RGS6: variants seen among roughly 807,000 people sequenced by gnomAD.
RGS6 encodes regulator of G-protein signaling 6.
In RGS6, 30 loss-of-function variants were observed where a neutral mutation model predicts 78.5. That is an observed-to-expected ratio of 0.38 (90% CI 0.29 to 0.52). The LOEUF is 0.52. Ranked by LOEUF, RGS6 falls within the 20% of genes least tolerant of loss-of-function variation. RGS6 has a pLI of 0.85. For synonymous variants in RGS6, 206 were observed against 206.0 expected (o/e 1.00, Z 0.00); for missense variants, 495 against 609.7 (o/e 0.81, Z 1.98).
chr14:71,950,213 A>G (rs1162492621), intron 1 of RGS6, among the ~76,000 whole-genome samples: 1 of 152,210 alleles, frequency 6.6e-6, no homozygotes, highest in Non-Finnish European at 1.5e-5. Flanking sequence ...ACAGCATGGT[A>G]TTGGTACAAA....
chr14:72,494,025 T>C (rs1212268790), intron 12 of RGS6, among the ~76,000 whole-genome samples: 1 of 152,084 alleles, frequency 6.6e-6, no homozygotes, highest in African/African-American at 2.4e-5. Context: ...CCCAAAAAGA[T>C]CATTTTCCAT....
intron 2 of RGS6, among the ~76,000 whole-genome samples, chr14:72,160,691 T>C (rs985626935): frequency 1.3e-5 from 2 of 152,146 alleles, no homozygotes; most frequent in Non-Finnish European, 2.9e-5. Flanking sequence ...CATGGAGAGA[T>C]ACAAGGGATG....
intron 2 of RGS6, among the ~76,000 whole-genome samples, chr14:72,149,065 G>A (rs576755521): frequency 6.6e-5 from 10 of 152,320 alleles, no homozygotes; most frequent in Non-Finnish European, 1.2e-4. Context: ...TCATAAGACA[G>A]CTTGCTCACT....
intron 3 of RGS6, among the ~76,000 whole-genome samples, chr14:72,438,101 G>A (rs2095024010): frequency 6.6e-6 from 1 of 152,162 alleles, no homozygotes; most frequent in Non-Finnish European, 1.5e-5. Flanking sequence ...AGGGCCTGGT[G>A]GAGGGTTCAG....
At chr14:72,159,125 A>G (rs1223810733) in intron 2 of RGS6, among the ~76,000 whole-genome samples, 1 of 152,176 alleles carries the variant, frequency 6.6e-6, no homozygotes, top group Non-Finnish European at 1.5e-5. Context: ...GCACATTCCT[A>G]TCTGCTTTCT....
chr14:72,090,004 A>G (rs551128349), intron 2 of RGS6, among the ~76,000 whole-genome samples: 56 of 152,186 alleles, frequency 3.7e-4, no homozygotes, highest in African/African-American at 1.3e-3. Flanking sequence ...CATCAGGTAA[A>G]TATAGCACAT....
chr14:72,362,186 A>G (rs1168196599), intron 3 of RGS6, among the ~76,000 whole-genome samples: 1 of 152,206 alleles, frequency 6.6e-6, no homozygotes, highest in African/African-American at 2.4e-5. Context: ...TTAAAAAGCT[A>G]TTAATCTAGT....
Position 72,346,406 on chromosome 14 carries a change from C to T in RGS6, c.85-5689C>T, listed in dbSNP as rs202054039. On this transcript the variant is annotated intron_variant, in intron 2 of 17. Transcript: ENST00000553525. Reference sequence around the variant, plus strand: ...GTGTGAGGGCCTCTCCGGGTCATTTCTCTGTCTGGCTTCTGATGCTATCTG... The same window carrying T: ...GTGTGAGGGCCTCTCCGGGTCATTTTTCTGTCTGGCTTCTGATGCTATCTG... 3.1e-4 allele frequency among the ~76,000 whole-genome samples: 47 copies of T among 152,316 alleles called. No individual in the cohort carries two copies. In the East Asian group the frequency reaches 8.7e-3, roughly 28 times the overall value.
At chr14:72,476,162 C>T (rs1171729466) in intron 10 of RGS6, among the ~76,000 whole-genome samples, 1 of 152,164 alleles carries the variant, frequency 6.6e-6, no homozygotes, top group Non-Finnish European at 1.5e-5. Context: ...GTAGCTATAG[C>T]TACGGACATG....
chr14:72,281,137 C>G (rs1034137156), intron 2 of RGS6, among the ~76,000 whole-genome samples: 2 of 142,598 alleles, frequency 1.4e-5, no homozygotes, highest in Middle Eastern at 3.8e-3. Flanking sequence ...AGAAGTGAAA[C>G]AAGATTCTTT....
chr14:72,371,942 C>T (rs891089866), intron 3 of RGS6, among the ~76,000 whole-genome samples: 5 of 152,134 alleles, frequency 3.3e-5, no homozygotes, highest in African/African-American at 9.7e-5. Context: ...ACTGTATCAT[C>T]GGTCGCAGCA....
In RGS6 at chr14:72,159,952, C is replaced by CA. The variant is rs576686005; in HGVS notation, c.85-192141dup. Among the ~76,000 whole-genome samples the CA allele has an allele frequency of 9.1e-4, 138 of 152,254 alleles. 2 individuals carry two copies. Among genetic ancestry groups the CA allele is most frequent in the African/African-American group, 3.2e-3 (134 of 41,544 alleles). On this transcript the variant is annotated intron_variant, in intron 2 of 17. Transcript: ENST00000553525. ...TTTTATAATTTCAAGATTTTAAGTTCAACTTAAGGTACTTTACAAAATTAT... is the reference window on the plus strand; with the variant it reads ...TTTTATAATTTCAAGATTTTAAGTTCAAACTTAAGGTACTTTACAAAATTAT...
At chr14:72,539,986 T>C in intron 16 of RGS6, 55 bp from the exon 17 acceptor site, 1 of 1,471,350 alleles carries the variant, frequency 6.8e-7, no homozygotes. Context: ...ACGTATAAGC[T>C]GAAGATTTTT....
intron 2 of RGS6, among the ~76,000 whole-genome samples, chr14:72,194,051 A>G (rs2039409841): frequency 6.6e-6 from 1 of 152,194 alleles, no homozygotes; most frequent in African/African-American, 2.4e-5. Context: ...GGAGTAGGGC[A>G]GAGAGATCAG....
rs3053026 is a variant in RGS6, at chr14:71,953,969, G to GTTTTTTTTTTT, written c.-20-10794_-20-10784dup. ...ACTAGATGTAGAATTCTAAGTGGGCGTTTTTTTTTTTTTTTTTTTCCTTCA... is the reference window on the plus strand; with the variant it reads ...ACTAGATGTAGAATTCTAAGTGGGCGTTTTTTTTTTTTTTTTTTTTTTTTTTTTTTCCTTCA... On this transcript the variant is annotated intron_variant, in intron 1 of 17. Transcript: ENST00000553525. Among the ~76,000 whole-genome samples, 22 of 76,058 alleles carry GTTTTTTTTTTT rather than the reference G, an allele frequency of 2.9e-4. 1 individual carries two copies. The highest frequency in any genetic ancestry group is 4.8e-4 in the African/African-American group (9 of 18,944). 49.9% of individuals were successfully genotyped at this position (76,058 alleles called of 152,430 possible).
intron 2 of RGS6, among the ~76,000 whole-genome samples, chr14:71,995,525 G>A (rs1036394716): frequency 3.9e-5 from 6 of 152,176 alleles, no homozygotes; most frequent in African/African-American, 1.4e-4. Flanking sequence ...CTGGCTGGGG[G>A]CAGCCATGGG....
intron 15 of RGS6, among the ~76,000 whole-genome samples, chr14:72,522,831 A>G (rs2097065716): frequency 6.6e-6 from 1 of 152,264 alleles, no homozygotes; most frequent in Non-Finnish European, 1.5e-5. Context: ...CATGGTCATG[A>G]AAATTATTGA....
upstream of RGS6, among the ~76,000 whole-genome samples, chr14:71,929,741 C>T (rs545621163): frequency 2.6e-5 from 4 of 152,124 alleles, no homozygotes; most frequent in Non-Finnish European, 5.9e-5. Context: ...TTTTCTAATT[C>T]TATCTTTTCT....
chr14:72,131,001 C>A (rs1183655958), intron 2 of RGS6, among the ~76,000 whole-genome samples: 1 of 152,054 alleles, frequency 6.6e-6, no homozygotes, highest in African/African-American at 2.4e-5. Context: ...CTAGGCTCTG[C>A]CTTGGGGAAA....
Sources: gnomAD v4.1 joint callset for allele counts (sites outside exome capture counted in the v4.1 genomes callset) on GRCh38, gnomAD v4.1.1 for gene constraint, MANE v1.5 for transcripts, NCBI Gene and HGNC (gene_info 2026-07-23, HGNC 2026-07-21) for gene names.